Variants in ZNF227 observed in about 807,000 individuals in gnomAD.
The protein encoded by ZNF227 is zinc finger protein 227.
Under a neutral mutation model 13.2 loss-of-function variants are expected in ZNF227, and 12 were observed. The observed-to-expected ratio is 0.91, with a 90% CI of 0.58 to 1.47. ZNF227 has a LOEUF of 1.47. Ranked by LOEUF, ZNF227 falls within the 40% of genes most tolerant of loss-of-function variation. ZNF227 has a pLI of 0.00. For synonymous variants in ZNF227, 338 were observed against 326.0 expected (o/e 1.04, Z -0.40); for missense variants, 885 against 967.5 (o/e 0.91, Z 1.13).
At chr19:44,228,796 A>G (rs1973468375) in intron 4 of ZNF227, 1 of 500,542 alleles carries the variant, frequency 2.0e-6, no homozygotes, top group South Asian at 5.2e-5. Flanking sequence ...TCGCCCCCAG[A>G]AGATATTTGG....
At chr19:44,233,264 ATATGTT>A (rs1420280359) in intron 5 of ZNF227, among the ~76,000 whole-genome samples, 1 of 152,140 alleles carries the variant, frequency 6.6e-6, no homozygotes, top group Non-Finnish European at 1.5e-5. Context: ...CTAAGCATAA[ATATGTT>A]TATATTTATG....
At chr19:44,222,447 G>A (rs1428562268) in intron 3 of ZNF227, among the ~76,000 whole-genome samples, 1 of 151,372 alleles carries the variant, frequency 6.6e-6, no homozygotes, top group Non-Finnish European at 1.5e-5. Context: ...ATCGAGCAGT[G>A]GTTTGTAGTT....
Position 44,235,687 on chromosome 19 carries a change from G to T in ZNF227, c.1257G>T (p.Gln419His). 6.2e-7 allele frequency: 1 copy of T among 1,613,932 alleles called. No individual in the cohort carries two copies. Among genetic ancestry groups the T allele is most frequent in the Non-Finnish European group, 8.5e-7 (1 of 1,179,962 alleles). ...KCEECGKGFT[Q>H]AAHFHIHQRV... ...AGGAATGTGGTAAGGGCTTCACTCA[G>T]GCTGCACATTTTCACATCCATCAGA... Residue 419 changes from glutamine to histidine, a missense_variant, in exon 6 of 6, where the codon CAG becomes CAT. Gln to His is a conservative substitution (Grantham distance 24, BLOSUM62 0). Transcript: ENST00000313040.
intron 3 of ZNF227, among the ~76,000 whole-genome samples, chr19:44,223,001 T>G (rs1205199974): frequency 6.6e-6 from 1 of 152,150 alleles, no homozygotes; most frequent in South Asian, 2.1e-4. Context: ...CAAAGGCCTT[T>G]TCTGCATCTA....
Position 44,236,998 on chromosome 19 carries a change from G to A in ZNF227, c.*168G>A. ...AGATGATAACACAGAACCATGAACA[G>A]GAATAGAACTCGTATTTAGGGGAGA... is the stretch of plus-strand genomic sequence containing the variant. On this transcript the variant is annotated 3_prime_UTR_variant, in exon 6 of 6. Coordinates refer to ENST00000313040, the MANE Select transcript of ZNF227 (RefSeq NM_182490.3). The A allele has an allele frequency of 3.5e-6, 2 of 576,780 alleles. No individual in the cohort carries two copies. The highest frequency in any genetic ancestry group is 3.0e-6 in the Non-Finnish European group (1 of 338,440). The allele number at this position is 576,780 out of a possible 1,614,324, so 35.7% of individuals were successfully genotyped here.
chr19:44,235,628 A>C lies in ZNF227; in HGVS notation c.1198A>C (p.Arg400=), dbSNP rs751308839. ...GAGTGTTAATCTCCGTGTTCACCAG[A>C]GGGTCCACAGGGGTGAGAAGCCCTA... The part of the protein sequence containing the change: ...GWSVNLRVHQ[R]VHRGEKPYKC... Residue 400 remains arginine, a synonymous_variant, in exon 6 of 6, where the codon AGG becomes CGG. Coordinates refer to ENST00000313040, the MANE Select transcript of ZNF227 (RefSeq NM_182490.3). 2.5e-6 allele frequency: 4 copies of C among 1,614,094 alleles called. No homozygotes were observed. The South Asian group carries it at 4.4e-5, about 18-fold the overall frequency.
intron 1 of ZNF227, 26 bp downstream of exon 1, chr19:44,212,611 C>A (rs1449209150): frequency 2.0e-5 from 3 of 152,308 alleles, no homozygotes; most frequent in Non-Finnish European, 4.4e-5. Flanking sequence ...ACCCCCACGA[C>A]CCCTCTTGAA....
intron 3 of ZNF227, among the ~76,000 whole-genome samples, chr19:44,224,987 T>A (rs1438953775): frequency 6.6e-6 from 1 of 152,120 alleles, no homozygotes; most frequent in Non-Finnish European, 1.5e-5. Flanking sequence ...TCTCAGCATT[T>A]GCTTGTCTGT....
At chr19:44,223,854 G>C (rs1474272714) in intron 3 of ZNF227, among the ~76,000 whole-genome samples, 1 of 152,002 alleles carries the variant, frequency 6.6e-6, no homozygotes, top group Admixed American at 6.5e-5. Flanking sequence ...TAATTGTGAT[G>C]TTAGGGTGTC....
At chr19:44,230,924 A>ATATAT (rs1311158831) in intron 5 of ZNF227, among the ~76,000 whole-genome samples, 1 of 88,320 alleles carries the variant, frequency 1.1e-5, no homozygotes, top group Non-Finnish European at 1.9e-5. Context: ...AAAAAAAAAA[A>ATATAT]AAATATATAT....
At chr19:44,212,970 C>T (rs1266498559) in intron 1 of ZNF227, 120 bp from the exon 2 acceptor site, 1 of 152,228 alleles carries the variant, frequency 6.6e-6, no homozygotes, top group African/African-American at 2.4e-5. Flanking sequence ...GCCCTTTTTA[C>T]TGGAAGCTCC....
At chr19:44,233,324 C>G (rs1008407179) in intron 5 of ZNF227, among the ~76,000 whole-genome samples, 3 of 152,054 alleles carry the variant, frequency 2.0e-5, no homozygotes, top group African/African-American at 7.2e-5. Flanking sequence ...TAGTAGTACT[C>G]TTATTGCTTT....
At chr19:44,216,488 T>G (rs1320904857) in intron 2 of ZNF227, among the ~76,000 whole-genome samples, 2 of 152,174 alleles carry the variant, frequency 1.3e-5, no homozygotes, top group African/African-American at 4.8e-5. Context: ...AGGGTATGTT[T>G]ATTTTTATTT....
intron 4 of ZNF227, 66 bp from the exon 5 acceptor site, chr19:44,229,667 G>A (rs1447518296): frequency 9.0e-7 from 1 of 1,113,520 alleles, no homozygotes; most frequent in Non-Finnish European, 1.3e-6. Context: ...GGCTTATAGG[G>A]TTCAGACAAA....
At chr19:44,211,797 A>T (rs1971379508), upstream of ZNF227, among the ~76,000 whole-genome samples, 2 of 147,354 alleles carry the variant, frequency 1.4e-5, no homozygotes, top group South Asian at 4.2e-4. Context: ...TAAAAACTTA[A>T]AGGGTTTCCT....
chr19:44,232,245 T>G (rs1389805815), intron 5 of ZNF227, among the ~76,000 whole-genome samples: 2 of 152,240 alleles, frequency 1.3e-5, no homozygotes, highest in Admixed American at 1.3e-4. Flanking sequence ...TGAGAAGCAC[T>G]TTACATGTTG....
chr19:44,226,292 A>G (rs1973150841), intron 3 of ZNF227, among the ~76,000 whole-genome samples: 1 of 152,196 alleles, frequency 6.6e-6, no homozygotes, highest in Admixed American at 6.5e-5. Context: ...TGGGAGAACC[A>G]CTACTCTGTT....
Position 44,235,866 on chromosome 19 carries a change from T to A in ZNF227, c.1436T>A (p.Leu479Gln), listed in dbSNP as rs1974416060. The change falls in exon 6 of 6, where the codon CTG (leucine) becomes CAG (glutamine). Residue 479 changes from leucine to glutamine, a missense_variant. Physicochemically the swap from Leu to Gln is moderately radical, Grantham distance 113 (BLOSUM62 -2). Coordinates refer to ENST00000313040, the MANE Select transcript of ZNF227 (RefSeq NM_182490.3). ...AAAGGCTTTACCCGTAATACAGATC[T>A]GCATATTCATTTCAGAGTTCACACG... ...CGKGFTRNTD[L>Q]HIHFRVHTGE... 6.2e-7 allele frequency: 1 copy of A among 1,613,932 alleles called. No individual in the cohort carries two copies. The highest frequency in any genetic ancestry group is 2.2e-5 in the East Asian group (1 of 44,884).
Position 44,234,886 on chromosome 19 carries a change from T to G in ZNF227, c.456T>G (p.Asn152Lys), listed in dbSNP as rs1433190737. 6 of 1,613,156 alleles carry G rather than the reference T, an allele frequency of 3.7e-6. No individual in the cohort carries two copies. The Admixed American group carries it at 1.0e-4, about 27-fold the overall frequency. The change falls in exon 6 of 6, where the codon AAT becomes AAG. Residue 152 changes from asparagine (N) to lysine (K), a missense_variant. Asn to Lys is a moderately conservative substitution (Grantham distance 94). Coordinates refer to ENST00000313040, the MANE Select transcript of ZNF227 (RefSeq NM_182490.3). ...TTCAGGTTTCTGAAAATGAGAACAA[T>G]ATAATGAACCCTAAAGGAGATAGCT... ...DSIQVSENEN[N>K]IMNPKGDSSI...
Sources: allele counts gnomAD v4.1 joint callset (sites outside exome capture counted in the v4.1 genomes callset), GRCh38; gene constraint gnomAD v4.1.1; transcripts MANE v1.5; gene names NCBI Gene and HGNC (gene_info 2026-07-23, HGNC 2026-07-21).